The following SH3GL3 variants were observed in gnomAD, a reference collection of about 807,000 sequenced individuals.
SH3GL3 encodes endophilin-A3.
SH3GL3 carries 33 observed loss-of-function variants against 47.7 expected under a neutral mutation model. That is an observed-to-expected ratio of 0.69 (90% CI 0.52 to 0.92). The LOEUF (loss-of-function observed/expected upper bound fraction) is 0.92, where lower values mean the gene tolerates loss of function less well. Among genes scored for constraint, SH3GL3 ranks in the 40% least tolerant of loss-of-function variants. SH3GL3 has a pLI of 0.00. For synonymous variants in SH3GL3, 155 were observed against 148.8 expected (o/e 1.04, Z -0.30); for missense variants, 363 against 417.8 (o/e 0.87, Z 1.14).
chr15:83,553,439 T>G (rs2151728247), intron 1 of SH3GL3, among the ~76,000 whole-genome samples: 1 of 152,314 alleles, frequency 6.6e-6, no homozygotes, highest in African/African-American at 2.4e-5. Flanking sequence ...ATTACTGATC[T>G]ATTTAGACTT....
At chr15:83,512,269 T>C (rs2042790144) in intron 1 of SH3GL3, among the ~76,000 whole-genome samples, 1 of 152,206 alleles carries the variant, frequency 6.6e-6, no homozygotes, top group South Asian at 2.1e-4. Flanking sequence ...ATTTTGCTCC[T>C]TGATAGTGTA....
chr15:83,581,570 G>A (rs973644706), intron 6 of SH3GL3, among the ~76,000 whole-genome samples: 12 of 152,114 alleles, frequency 7.9e-5, no homozygotes, highest in African/African-American at 2.9e-4. Context: ...GAGAAATCCG[G>A]AGCCCAGAGC....
chr15:83,480,266 C>T (rs1356813895), intron 1 of SH3GL3, among the ~76,000 whole-genome samples: 2 of 152,156 alleles, frequency 1.3e-5, no homozygotes, highest in African/African-American at 2.4e-5. Context: ...GATATAAATT[C>T]ATATTTCTAC....
At chr15:83,510,638 A>G (rs2042706589) in intron 1 of SH3GL3, among the ~76,000 whole-genome samples, 1 of 152,150 alleles carries the variant, frequency 6.6e-6, no homozygotes. Flanking sequence ...GTCATAAATC[A>G]TGATCAGAGA....
At chr15:83,603,358 C>T (rs1311941502) in intron 8 of SH3GL3, among the ~76,000 whole-genome samples, 2 of 152,178 alleles carry the variant, frequency 1.3e-5, no homozygotes, top group Non-Finnish European at 2.9e-5. Context: ...CCTGTAAACA[C>T]ATTCAAAGTT....
intron 8 of SH3GL3, among the ~76,000 whole-genome samples, chr15:83,616,981 GAAGAAT>G (rs1216506746): frequency 1.3e-5 from 2 of 152,174 alleles, no homozygotes; most frequent in East Asian, 3.9e-4. Flanking sequence ...GCTTGTACAA[GAAGAAT>G]CTTTTATGAA....
At chr15:83,520,082 T>C (rs1208087388) in intron 1 of SH3GL3, among the ~76,000 whole-genome samples, 2 of 152,192 alleles carry the variant, frequency 1.3e-5, no homozygotes, top group African/African-American at 2.4e-5. Context: ...CCCAAATTCC[T>C]ACAGAGCAAA....
At chr15:83,495,597 C>T (rs886828865) in intron 1 of SH3GL3, among the ~76,000 whole-genome samples, 3 of 152,084 alleles carry the variant, frequency 2.0e-5, no homozygotes, top group South Asian at 2.1e-4. Flanking sequence ...GTTAGCTGGG[C>T]GTGGTGATGC....
At chr15:83,628,666 C>T in the SH3GL3 span, among the ~76,000 whole-genome samples, 1 of 152,114 alleles carries the variant, frequency 6.6e-6, no homozygotes, top group African/African-American at 2.4e-5. Flanking sequence ...TTGCTTGAAC[C>T]TGGGAGGTGG....
chr15:83,585,953 G>T (rs1210304057), intron 6 of SH3GL3, among the ~76,000 whole-genome samples: 3 of 152,218 alleles, frequency 2.0e-5, no homozygotes, highest in Non-Finnish European at 4.4e-5. Flanking sequence ...TCCATGGTTG[G>T]TTAGGCAGGG....
intron 1 of SH3GL3, among the ~76,000 whole-genome samples, chr15:83,486,469 AT>A (rs1244008079): frequency 2.0e-5 from 3 of 152,134 alleles, no homozygotes; most frequent in African/African-American, 7.2e-5. Context: ...TATTCTGGAT[AT>A]TTTATATGAA....
chr15:83,553,251 A>C (rs2044759257), intron 1 of SH3GL3, among the ~76,000 whole-genome samples: 1 of 152,172 alleles, frequency 6.6e-6, no homozygotes, highest in African/African-American at 2.4e-5. Flanking sequence ...CTTGTCTGAT[A>C]TTACTGCTGC....
At chr15:83,596,043 C>T (rs893138286) in intron 8 of SH3GL3, among the ~76,000 whole-genome samples, 9 of 152,136 alleles carry the variant, frequency 5.9e-5, no homozygotes, top group African/African-American at 2.2e-4. Context: ...ACTTGAGCAC[C>T]ATCTCATGCA....
At chr15:83,578,978 G>A (rs1018396213) in intron 6 of SH3GL3, among the ~76,000 whole-genome samples, 2 of 152,038 alleles carry the variant, frequency 1.3e-5, no homozygotes, top group South Asian at 4.1e-4. Flanking sequence ...GCCTTCATGC[G>A]GGAACCACAA....
chr15:83,562,185 C>T (rs188286716), intron 2 of SH3GL3, among the ~76,000 whole-genome samples: 1 of 152,174 alleles, frequency 6.6e-6, no homozygotes, highest in African/African-American at 2.4e-5. Flanking sequence ...CTTGACTCCA[C>T]ATTAGCCAAT....
At position 83,559,582 on chromosome 15, in the gene SH3GL3, G is replaced by A. The variant is rs918180847; in HGVS notation, c.114+261G>A. On this transcript the variant is annotated intron_variant, in intron 2 of 8. Transcript: ENST00000427482. ...CTCTAGTGGCCAGAAGTCAGAATGT[G>A]CAAAAGATGGGCAATCTTGGCAGTT... 1.2e-3 allele frequency among the ~76,000 whole-genome samples: 180 copies of A among 152,202 alleles called. 3 individuals carry two copies. Among genetic ancestry groups the A allele is most frequent in the Admixed American group, 0.011 (170 of 15,288 alleles).
At chr15:83,538,040 A>G (rs2043996713) in intron 1 of SH3GL3, among the ~76,000 whole-genome samples, 1 of 152,160 alleles carries the variant, frequency 6.6e-6, no homozygotes, top group Non-Finnish European at 1.5e-5. Flanking sequence ...TTAATTTTTT[A>G]TCGTGCTGCT....
chr15:83,458,484 C>T (rs965913390), intron 1 of SH3GL3, among the ~76,000 whole-genome samples: 2 of 152,202 alleles, frequency 1.3e-5, no homozygotes, highest in Non-Finnish European at 2.9e-5. Context: ...CTACTAAGTA[C>T]TTTGCCTGTT....
chr15:83,537,522 A>G (rs1157847774), intron 1 of SH3GL3, among the ~76,000 whole-genome samples: 2 of 152,182 alleles, frequency 1.3e-5, no homozygotes, highest in Non-Finnish European at 2.9e-5. Flanking sequence ...GAGATTTCCA[A>G]TCAAGGTGCT....
Sources: gnomAD v4.1 joint callset for allele counts (sites outside exome capture counted in the v4.1 genomes callset) on GRCh38, gnomAD v4.1.1 for gene constraint, MANE v1.5 for transcripts, NCBI Gene and HGNC (gene_info 2026-07-23, HGNC 2026-07-21) for gene names.